Variants in RALGPS2 observed in about 807,000 individuals in gnomAD.
RALGPS2 encodes the protein Ral GEF with PH domain and SH3 binding motif 2.
In RALGPS2, 43 loss-of-function variants were observed where a neutral mutation model predicts 86.8. The ratio of observed to expected loss-of-function variants is 0.50; its 90% CI spans 0.39 to 0.64. The LOEUF is 0.64. Among genes scored for constraint, RALGPS2 ranks in the 30% least tolerant of loss-of-function variants. The pLI is 0.00. For synonymous variants in RALGPS2, 243 were observed against 231.3 expected, an observed-to-expected ratio of 1.05 and a Z score of -0.46; for missense variants, 536 against 694.6, an observed-to-expected ratio of 0.77 and a Z score of 2.57.
chr1:178,856,200 G>GAT (rs1348083361), intron 8 of RALGPS2, among the ~76,000 whole-genome samples: 225 of 40,898 alleles, frequency 5.5e-3, no homozygotes, highest in African/African-American at 0.015. Flanking sequence ...CAGAGAGAGA[G>GAT]AGATATATAT....
chr1:178,781,108 A>G (rs1186510121), intron 2 of RALGPS2, among the ~76,000 whole-genome samples: 15 of 152,204 alleles, frequency 9.9e-5, no homozygotes. Flanking sequence ...TTTGTTAAAT[A>G]AAATAGATCA....
At chr1:178,852,410 G>A (rs1418064092) in intron 8 of RALGPS2, among the ~76,000 whole-genome samples, 1 of 152,164 alleles carries the variant, frequency 6.6e-6, no homozygotes, top group Admixed American at 6.5e-5. Context: ...GTTATGAATT[G>A]TAGGCACTTG....
At chr1:178,804,253 C>CTT (rs11302348) in intron 4 of RALGPS2, among the ~76,000 whole-genome samples, 30,478 of 131,828 alleles carry the variant, frequency 0.23, 3,966 homozygotes, top group Non-Finnish European at 0.32. Context: ...GCTGTTTCTT[C>CTT]TTTTTTTTTT....
chr1:178,798,346 C>A (rs1654303500), intron 4 of RALGPS2, among the ~76,000 whole-genome samples: 1 of 152,128 alleles, frequency 6.6e-6, no homozygotes, highest in Non-Finnish European at 1.5e-5. Flanking sequence ...AATGATGATG[C>A]TAATCAGTTA....
At chr1:178,807,153 C>T (rs370860310) in intron 4 of RALGPS2, among the ~76,000 whole-genome samples, 10 of 151,980 alleles carry the variant, frequency 6.6e-5, no homozygotes, top group East Asian at 5.8e-4. Context: ...GCCAACATAG[C>T]GAGACCCTGT....
In RALGPS2 at chr1:178,776,736, AC is replaced by A; in HGVS notation, c.-28del. On this transcript the variant is annotated 5_prime_UTR_variant, in exon 2 of 20. Transcript: ENST00000367635. Reference sequence around the variant, plus strand: ...GGCAGTCAGTCCTCTGTTGCTGTTAACATAAGGTCAGGGACTGATGAGGAAA... The same window carrying A: ...GGCAGTCAGTCCTCTGTTGCTGTTAAATAAGGTCAGGGACTGATGAGGAAA... The A allele has an allele frequency of 6.3e-7, 1 of 1,588,272 alleles. No individual in the cohort carries two copies. The highest frequency in any genetic ancestry group is 2.3e-5 in the East Asian group (1 of 43,954).
intron 1 of RALGPS2, among the ~76,000 whole-genome samples, chr1:178,769,330 G>A (rs1418083845): frequency 6.6e-6 from 1 of 152,028 alleles, no homozygotes; most frequent in African/African-American, 2.4e-5. Context: ...GTCCATGCAA[G>A]CAGGTGCTCC....
At chr1:178,884,955 A>G in intron 11 of RALGPS2, 121 bp from the exon 12 acceptor site, 1 of 970,892 alleles carries the variant, frequency 1.0e-6, no homozygotes, top group Non-Finnish European at 1.4e-6. Flanking sequence ...CTCATCTTCA[A>G]GCCAATTAAA....
intron 1 of RALGPS2, among the ~76,000 whole-genome samples, chr1:178,731,631 A>G (rs1650369428): frequency 6.6e-6 from 1 of 152,022 alleles, no homozygotes; most frequent in Non-Finnish European, 1.5e-5. Context: ...GCCATTCAAA[A>G]TCTTCATCCT....
At chr1:178,882,177 A>G (rs1659286564) in intron 10 of RALGPS2, among the ~76,000 whole-genome samples, 1 of 152,220 alleles carries the variant, frequency 6.6e-6, no homozygotes. Context: ...GTCAGTTTCT[A>G]GGTGCTACCA....
intron 7 of RALGPS2, among the ~76,000 whole-genome samples, chr1:178,831,705 A>G (rs1320141120): frequency 1.3e-5 from 2 of 151,674 alleles, no homozygotes; most frequent in Non-Finnish European, 2.9e-5. Context: ...TAAATATCAA[A>G]AGAAGATTTG....
chr1:178,833,404 T>C lies in RALGPS2; in HGVS notation c.481-20T>C. ...AAATGAGATTTGTAAATAACTTAGGTTTTTCTGTTTGTTTTTTAGTTATTA... is the reference window on the plus strand; with the variant it reads ...AAATGAGATTTGTAAATAACTTAGGCTTTTCTGTTTGTTTTTTAGTTATTA... On this transcript the variant is annotated intron_variant, in intron 7 of 19. Transcript: ENST00000367635. 6.7e-7 allele frequency: 1 copy of C among 1,487,186 alleles called. No homozygotes were observed. The highest frequency in any genetic ancestry group is 8.9e-7 in the Non-Finnish European group (1 of 1,129,894). 92.1% of individuals were successfully genotyped at this position (1,487,186 alleles called of 1,614,324 possible).
At chr1:178,915,624 G>A (rs1200765565) in intron 19 of RALGPS2, among the ~76,000 whole-genome samples, 4 of 152,204 alleles carry the variant, frequency 2.6e-5, no homozygotes, top group Non-Finnish European at 5.9e-5. Context: ...TCAGTTATGA[G>A]TACATTGGCC....
chr1:178,771,507 T>C (rs1215181702), intron 1 of RALGPS2, among the ~76,000 whole-genome samples: 1 of 152,190 alleles, frequency 6.6e-6, no homozygotes, highest in East Asian at 1.9e-4. Context: ...CTTTTCCCCA[T>C]TGGTGATAAT....
intron 8 of RALGPS2, among the ~76,000 whole-genome samples, chr1:178,852,295 C>G: frequency 6.6e-6 from 1 of 152,136 alleles, no homozygotes; most frequent in East Asian, 1.9e-4. Flanking sequence ...ATTGTTTTGT[C>G]TCTCCTCCAG....
intron 6 of RALGPS2, among the ~76,000 whole-genome samples, chr1:178,815,285 A>T (rs530434335): frequency 2.6e-5 from 4 of 151,666 alleles, no homozygotes; most frequent in Non-Finnish European, 5.9e-5. Context: ...GGGTTTTGCC[A>T]TGTTGGTCAG....
At chr1:178,882,881 G>A (rs1007052547) in intron 10 of RALGPS2, among the ~76,000 whole-genome samples, 1 of 152,178 alleles carries the variant, frequency 6.6e-6, no homozygotes, top group African/African-American at 2.4e-5. Context: ...AGTTCTGTCA[G>A]CTGGTTTGTT....
chr1:178,915,173 T>C (rs1660764232), intron 19 of RALGPS2, among the ~76,000 whole-genome samples: 1 of 152,180 alleles, frequency 6.6e-6, no homozygotes. Context: ...ATGCAAAATA[T>C]CTTAAACCAC....
chr1:178,811,691 A>G (rs966514133), intron 6 of RALGPS2, among the ~76,000 whole-genome samples: 6 of 152,296 alleles, frequency 3.9e-5, no homozygotes, highest in Admixed American at 2.0e-4. Context: ...GTAAAGTATG[A>G]TATTTATAAA....
Sources: allele counts gnomAD v4.1 joint callset (sites outside exome capture counted in the v4.1 genomes callset), GRCh38; gene constraint gnomAD v4.1.1; transcripts MANE v1.5; gene names NCBI Gene and HGNC (gene_info 2026-07-23, HGNC 2026-07-21).